The following CAMK1D variants were observed in gnomAD, a reference collection of about 807,000 sequenced individuals.
The protein encoded by CAMK1D is calcium/calmodulin-dependent protein kinase type 1D.
Under a neutral mutation model 47.7 loss-of-function variants are expected in CAMK1D, and 9 were observed. The observed-to-expected ratio is 0.19, with a 90% confidence interval of 0.11 to 0.33. The LOEUF (loss-of-function observed/expected upper bound fraction) is 0.33. Ranked by LOEUF, CAMK1D falls within the 10% of genes least tolerant of loss-of-function variation. The probability of loss-of-function intolerance (pLI) is 1.00; values close to 1 mark genes in which losing one functional copy is unlikely to be tolerated. For synonymous variants in CAMK1D, 184 were observed against 184.9 expected, an observed-to-expected ratio of 0.99 and a Z score of 0.04; for missense variants, 291 against 488.7, an observed-to-expected ratio of 0.60 and a Z score of 3.81.
intron 5 of CAMK1D, among the ~76,000 whole-genome samples, chr10:12,781,437 A>G (rs1354157569): frequency 6.6e-6 from 1 of 152,044 alleles, no homozygotes; most frequent in Non-Finnish European, 1.5e-5. Context: ...GCCCTCCCAC[A>G]TTTCAAAAGC....
chr10:12,690,971 A>G (rs1832854211), intron 3 of CAMK1D, among the ~76,000 whole-genome samples: 1 of 152,150 alleles, frequency 6.6e-6, no homozygotes, highest in Non-Finnish European at 1.5e-5. Flanking sequence ...TTTTAGCCAC[A>G]GGGAGCCCTT....
intron 1 of CAMK1D, among the ~76,000 whole-genome samples, chr10:12,442,389 G>A (rs1331973654): frequency 6.6e-6 from 1 of 152,110 alleles, no homozygotes; most frequent in Non-Finnish European, 1.5e-5. Context: ...GCTGAGGCAG[G>A]AGAATGGCGT....
intron 1 of CAMK1D, among the ~76,000 whole-genome samples, chr10:12,542,894 C>T (rs1234839222): frequency 4.6e-5 from 7 of 152,000 alleles, no homozygotes; most frequent in Non-Finnish European, 5.9e-5. Context: ...TACAGGCATG[C>T]GCCACCATGC....
At chr10:12,615,932 GTT>G (rs1354532101) in intron 2 of CAMK1D, among the ~76,000 whole-genome samples, 1 of 151,702 alleles carries the variant, frequency 6.6e-6, no homozygotes, top group Non-Finnish European at 1.5e-5. Context: ...GTGTATGTGT[GTT>G]TGCAAGTGTG....
chr10:12,576,664 G>C (rs1207768289), intron 2 of CAMK1D, among the ~76,000 whole-genome samples: 1 of 152,084 alleles, frequency 6.6e-6, no homozygotes, highest in African/African-American at 2.4e-5. Flanking sequence ...TCACAATAGG[G>C]TTCATGCTCC....
In CAMK1D at chr10:12,494,934, A is replaced by G. The variant is rs1588553006; in HGVS notation, c.93-58291A>G. On this transcript the variant is annotated intron_variant, in intron 1 of 10. Coordinates refer to ENST00000619168, the MANE Select transcript of CAMK1D (RefSeq NM_153498.4). ...TGGTTGACTAAGAACTGAGTATCTCATTGTTTTGGATTTGAGATCTAGTGA... is the reference window on the plus strand; with the variant it reads ...TGGTTGACTAAGAACTGAGTATCTCGTTGTTTTGGATTTGAGATCTAGTGA... Among the ~76,000 whole-genome samples the G allele has an allele frequency of 2.6e-5, 4 of 152,212 alleles. No individual in the cohort carries two copies. In the Middle Eastern group the frequency reaches 0.014, roughly 518 times the overall value.
At chr10:12,727,080 A>G (rs1232209933) in intron 3 of CAMK1D, among the ~76,000 whole-genome samples, 1 of 152,216 alleles carries the variant, frequency 6.6e-6, no homozygotes, top group African/African-American at 2.4e-5. Flanking sequence ...TGCATGGCAC[A>G]TGTGCTGACG....
At chr10:12,783,662 C>T (rs1460710091) in intron 5 of CAMK1D, among the ~76,000 whole-genome samples, 3 of 152,208 alleles carry the variant, frequency 2.0e-5, no homozygotes, top group Middle Eastern at 3.2e-3. Flanking sequence ...CCTTGTTCTT[C>T]TCTCTTCTTT....
At chr10:12,563,975 A>G (rs1837036537) in intron 2 of CAMK1D, among the ~76,000 whole-genome samples, 1 of 152,168 alleles carries the variant, frequency 6.6e-6, no homozygotes, top group South Asian at 2.1e-4. Context: ...CTCTAATAAT[A>G]TATCTTGGCA....
At chr10:12,401,057 A>G (rs1312522939) in intron 1 of CAMK1D, among the ~76,000 whole-genome samples, 2 of 99,928 alleles carry the variant, frequency 2.0e-5, no homozygotes, top group Admixed American at 1.7e-4. Context: ...TATATATTAT[A>G]TATATATTTT....
rs1034948044 is a variant in CAMK1D at position 12,824,337 on chromosome 10, A to G, written c.834-128A>G. The G allele has an allele frequency of 1.5e-5, 11 of 721,310 alleles. No homozygotes were observed. The African/African-American group carries it at 1.8e-4, about 12-fold the overall frequency. 44.7% of individuals were successfully genotyped at this position (721,310 alleles called of 1,614,324 possible). A position where few individuals can be genotyped will look rare whatever the true frequency, so the allele number is the denominator to read the frequency against. On this transcript the variant is annotated intron_variant, in intron 8 of 10. Transcript: ENST00000619168. Reference sequence around the variant, plus strand: ...GATGACATCAGCAGCCTGGAAGGGCAGCGGCCAGCCACCCTGTCCACGACT... The same window carrying G: ...GATGACATCAGCAGCCTGGAAGGGCGGCGGCCAGCCACCCTGTCCACGACT...
intron 2 of CAMK1D, among the ~76,000 whole-genome samples, chr10:12,594,774 T>G (rs1246476409): frequency 6.6e-6 from 1 of 152,178 alleles, no homozygotes; most frequent in Non-Finnish European, 1.5e-5. Flanking sequence ...GGAAACTGTT[T>G]CCAGGAGGTT....
chr10:12,751,132 T>C (rs554510888), intron 3 of CAMK1D, among the ~76,000 whole-genome samples: 2 of 150,584 alleles, frequency 1.3e-5, no homozygotes, highest in Non-Finnish European at 3.0e-5. Flanking sequence ...ATAAGAAGGC[T>C]TCAGAAGGCT....
intron 3 of CAMK1D, among the ~76,000 whole-genome samples, chr10:12,692,964 A>T (rs567514949): frequency 1.3e-5 from 2 of 152,346 alleles, no homozygotes; most frequent in East Asian, 3.9e-4. Context: ...TGGGTCAAAC[A>T]CTAGGCTAGA....
intron 1 of CAMK1D, among the ~76,000 whole-genome samples, chr10:12,394,240 CAG>C (rs1486765339): frequency 2.0e-5 from 3 of 152,130 alleles, no homozygotes; most frequent in Non-Finnish European, 4.4e-5. Flanking sequence ...GGTGAGGTAG[CAG>C]GGGAGCGTGC....
At chr10:12,696,864 A>G (rs752320554) in intron 3 of CAMK1D, among the ~76,000 whole-genome samples, 11 of 152,216 alleles carry the variant, frequency 7.2e-5, no homozygotes, top group Non-Finnish European at 1.6e-4. Context: ...ATAAATACAC[A>G]CAGTTCATGC....
At chr10:12,616,157 AAT>A (rs1217891730) in intron 2 of CAMK1D, among the ~76,000 whole-genome samples, 3 of 152,024 alleles carry the variant, frequency 2.0e-5, no homozygotes, top group Non-Finnish European at 2.9e-5. Flanking sequence ...TACGTGTGTG[AAT>A]GTATATGTGT....
chr10:12,687,646 G>A (rs1832715152), intron 3 of CAMK1D, among the ~76,000 whole-genome samples: 1 of 152,168 alleles, frequency 6.6e-6, no homozygotes, highest in African/African-American at 2.4e-5. Flanking sequence ...GACAAAGGGT[G>A]GAAGGCATCA....
rs566729309 is a variant in CAMK1D at position 12,502,324 on chromosome 10, C to T, written c.93-50901C>T. Among the ~76,000 whole-genome samples the T allele has an allele frequency of 9.0e-4, 137 of 152,270 alleles. 1 individual carries two copies. Among genetic ancestry groups the T allele is most frequent in the African/African-American group, 3.1e-3 (128 of 41,536 alleles). Reference sequence around the variant, plus strand: ...CCCAGCCAGGGAATGGAAAATCAGGCGGTGATGTACCGTGCAAGCTGGAGG... The same window carrying T: ...CCCAGCCAGGGAATGGAAAATCAGGTGGTGATGTACCGTGCAAGCTGGAGG... On this transcript the variant is annotated intron_variant, in intron 1 of 10. Coordinates refer to ENST00000619168, the MANE Select transcript of CAMK1D (RefSeq NM_153498.4).
Sources: allele counts gnomAD v4.1 joint callset (sites outside exome capture counted in the v4.1 genomes callset), GRCh38; gene constraint gnomAD v4.1.1; transcripts MANE v1.5; gene names NCBI Gene and HGNC (gene_info 2026-07-23, HGNC 2026-07-21).